SMARCC1: variants seen among roughly 807,000 people sequenced by gnomAD.
SMARCC1 encodes SWI/SNF complex subunit SMARCC1.
A neutral mutation model predicts 147.4 loss-of-function variants in SMARCC1; 43 were observed. The ratio of observed to expected loss-of-function variants is 0.29; its 90% CI spans 0.23 to 0.38. The LOEUF is 0.38. Among genes scored for constraint, SMARCC1 ranks in the 10% least tolerant of loss-of-function variants. The pLI is 1.00. For synonymous variants in SMARCC1, 495 were observed against 484.4 expected (o/e 1.02, Z -0.29); for missense variants, 1,119 against 1,381.1 (o/e 0.81, Z 3.01).
chr3:47,738,662 G>A (rs935511089), intron 3 of SMARCC1, among the ~76,000 whole-genome samples: 1 of 151,072 alleles, frequency 6.6e-6, no homozygotes, highest in Non-Finnish European at 1.5e-5. Context: ...CTAGCCTGGT[G>A]ACAGAGCAAG....
At chr3:47,773,896 C>G (rs552099263) in intron 1 of SMARCC1, among the ~76,000 whole-genome samples, 1 of 152,002 alleles carries the variant, frequency 6.6e-6, no homozygotes, top group East Asian at 1.9e-4. Context: ...CCACCCAAAG[C>G]GCTAGGATTA....
In SMARCC1 at chr3:47,753,575, G is replaced by A. The variant is rs994647646; in HGVS notation, c.316-7582C>T. Among the ~76,000 whole-genome samples the A allele has an allele frequency of 6.6e-5, 10 of 151,636 alleles. No individual in the cohort carries two copies. In the East Asian group the frequency reaches 1.9e-3, roughly 29 times the overall value. The stretch of plus-strand genomic sequence containing the variant: ...AAAATACAAAAAAAATCAGCCGGGC[G>A]TGGTGGTGCATGCCTGTAATCCCAG... On this transcript the variant is annotated intron_variant, in intron 2 of 27. Transcript: ENST00000254480.
Position 47,750,106 on chromosome 3 carries a change from G to A in SMARCC1, c.316-4113C>T, listed in dbSNP as rs879917853. 1.1e-4 allele frequency among the ~76,000 whole-genome samples: 16 copies of A among 150,520 alleles called. No homozygotes were observed. In the South Asian group the frequency reaches 1.3e-3, roughly 12 times the overall value. On this transcript the variant is annotated intron_variant, in intron 2 of 27. Transcript: ENST00000254480. ...CAAAAAAAAAAAAAAGAAAATGCAC[G>A]AGTCATTATAATTCTGTAGTGCTGA...
chr3:47,666,274 T>C (rs1430734209), intron 19 of SMARCC1, among the ~76,000 whole-genome samples: 1 of 152,204 alleles, frequency 6.6e-6, no homozygotes, highest in African/African-American at 2.4e-5. Flanking sequence ...CATTATGTCT[T>C]ATCTACCTGG....
rs1309322064 is a variant in SMARCC1 at position 47,625,397 on chromosome 3, G to GT, written c.2647-3057dup. ...CTACAGGCACACACCACCACACCCA[G>GT]TTAACTTTTGTATTTTTGGTAGAAA... On this transcript the variant is annotated intron_variant, in intron 24 of 27. Coordinates refer to ENST00000254480, the MANE Select transcript of SMARCC1 (RefSeq NM_003074.4). Among the ~76,000 whole-genome samples the GT allele has an allele frequency of 1.1e-4, 16 of 152,258 alleles. No homozygotes were observed. The South Asian group carries it at 3.1e-3, about 30-fold the overall frequency.
At chr3:47,604,061 A>C (rs965502259) in intron 26 of SMARCC1, 15 of 456,684 alleles carry the variant, frequency 3.3e-5, no homozygotes, top group African/African-American at 3.0e-4. Context: ...AGAGGGGCTG[A>C]AGAACTTACA....
intron 25 of SMARCC1, among the ~76,000 whole-genome samples, chr3:47,615,075 A>T (rs1186176033): frequency 6.6e-6 from 1 of 152,166 alleles, no homozygotes; most frequent in African/African-American, 2.4e-5. Flanking sequence ...ATAAGGCCTA[A>T]TCTGATGACA....
intron 7 of SMARCC1, among the ~76,000 whole-genome samples, 181 bp from the exon 8 acceptor site, chr3:47,714,671 G>A (rs570071038): frequency 3.3e-5 from 5 of 152,084 alleles, no homozygotes; most frequent in Non-Finnish European, 7.4e-5. Context: ...GGATGTGATT[G>A]TAGTCCCCAC....
chr3:47,726,773 T>TA (rs759749295), intron 6 of SMARCC1, among the ~76,000 whole-genome samples: 7 of 152,360 alleles, frequency 4.6e-5, no homozygotes, highest in Non-Finnish European at 1.0e-4. Context: ...GTCAAATTCT[T>TA]AGTCTCTGAT....
At chr3:47,674,485 A>G (rs1576407258) in intron 18 of SMARCC1, among the ~76,000 whole-genome samples, 1 of 152,180 alleles carries the variant, frequency 6.6e-6, no homozygotes, top group East Asian at 1.9e-4. Context: ...TTTGTTGAAA[A>G]GTCAGCTATC....
intron 17 of SMARCC1, among the ~76,000 whole-genome samples, chr3:47,675,965 A>G (rs928289422): frequency 6.6e-6 from 1 of 152,056 alleles, no homozygotes; most frequent in African/African-American, 2.4e-5. Flanking sequence ...AAAAAGTTTA[A>G]TATTGGCACT....
In SMARCC1 at chr3:47,693,290, C is replaced by T; in HGVS notation, c.1176G>A (p.Lys392=). The T allele has an allele frequency of 6.3e-7, 1 of 1,580,034 alleles. No individual in the cohort carries two copies. The highest frequency in any genetic ancestry group is 8.7e-7 in the Non-Finnish European group (1 of 1,149,968). ...EVVLPKNVNL[K]KDSENTPVKG... ...TAACAGGTGTATTTTCACTATCTTT[C>T]TTTAGGTTCACTAGAAAAAGAAAAA... Residue 392 remains lysine, a synonymous_variant, in exon 12 of 28, where the codon AAG becomes AAA. Coordinates refer to ENST00000254480, the MANE Select transcript of SMARCC1 (RefSeq NM_003074.4).
intron 24 of SMARCC1, among the ~76,000 whole-genome samples, chr3:47,631,785 G>A (rs1242405036): frequency 5.9e-5 from 9 of 152,160 alleles, no homozygotes; most frequent in Non-Finnish European, 1.3e-4. Context: ...AGAAGAAAAT[G>A]AGAATAAGAG....
At chr3:47,749,221 T>C (rs2034600124) in intron 2 of SMARCC1, among the ~76,000 whole-genome samples, 2 of 152,054 alleles carry the variant, frequency 1.3e-5, no homozygotes, top group Non-Finnish European at 2.9e-5. Context: ...GGAGGATCAC[T>C]TGAACCTGGG....
intron 8 of SMARCC1, 22 bp downstream of exon 8, chr3:47,714,393 T>C (rs753450507): frequency 1.4e-6 from 2 of 1,421,818 alleles, no homozygotes; most frequent in Non-Finnish European, 2.0e-6. Flanking sequence ...TATTGTAAGA[T>C]TTTTTTTGTT....
intron 6 of SMARCC1, among the ~76,000 whole-genome samples, chr3:47,725,289 T>G (rs182214046): frequency 5.3e-4 from 81 of 151,900 alleles, no homozygotes; most frequent in Middle Eastern, 3.4e-3. Context: ...AGCAAGAGAG[T>G]AGACTGCTGG....
chr3:47,625,485 T>G (rs867383168), intron 24 of SMARCC1, among the ~76,000 whole-genome samples: 2 of 152,270 alleles, frequency 1.3e-5, no homozygotes, highest in African/African-American at 4.8e-5. Context: ...TCTGCCTGTC[T>G]TGGCCTCCCC....
At chr3:47,594,899 T>C (rs1402516114) in intron 26 of SMARCC1, among the ~76,000 whole-genome samples, 1 of 152,190 alleles carries the variant, frequency 6.6e-6, no homozygotes, top group African/African-American at 2.4e-5. Context: ...CAGGTAGACC[T>C]TGATAAGATC....
At chr3:47,664,233 G>A (rs2106740246) in intron 19 of SMARCC1, among the ~76,000 whole-genome samples, 1 of 149,370 alleles carries the variant, frequency 6.7e-6, no homozygotes. Flanking sequence ...TACTTAGGAG[G>A]AATAAACATA....
Sources: gnomAD v4.1 joint callset for allele counts (sites outside exome capture counted in the v4.1 genomes callset) on GRCh38, gnomAD v4.1.1 for gene constraint, MANE v1.5 for transcripts, NCBI Gene and HGNC (gene_info 2026-07-23, HGNC 2026-07-21) for gene names.